Variants in PRR16 observed in about 807,000 individuals in gnomAD.
The protein encoded by PRR16 is protein Largen.
PRR16 carries 6 observed loss-of-function variants against 18.2 expected under a neutral mutation model. That is an observed-to-expected ratio of 0.33 (90% CI 0.18 to 0.65). PRR16 has a LOEUF of 0.65. Ranked by LOEUF, PRR16 falls within the 30% of genes least tolerant of loss-of-function variation. The pLI is 0.74. For missense variants in PRR16, 412 were observed against 376.6 expected (o/e 1.09, Z -0.78); for synonymous variants, 151 against 147.8 (o/e 1.02, Z -0.16).
the PRR16 span, among the ~76,000 whole-genome samples, chr5:120,786,596 AAT>A: frequency 9.1e-4 from 136 of 149,600 alleles, no homozygotes; most frequent in Admixed American, 1.9e-3. Flanking sequence ...AATATACAAA[AAT>A]GTGTGTAATT....
chr5:120,492,057 T>A (rs1446664714), intron 1 of PRR16, among the ~76,000 whole-genome samples: 4 of 151,840 alleles, frequency 2.6e-5, no homozygotes, highest in Non-Finnish European at 5.9e-5. Context: ...TCAATCTCTT[T>A]GTTCACCTTT....
chr5:120,677,181 T>A (rs1240686446), intron 1 of PRR16, among the ~76,000 whole-genome samples: 2 of 152,176 alleles, frequency 1.3e-5, no homozygotes, highest in Non-Finnish European at 1.5e-5. Context: ...AGTAGATCAT[T>A]AGGATAGGTG....
At chr5:120,737,307 G>GTTT in the PRR16 span, among the ~76,000 whole-genome samples, 5 of 51,096 alleles carry the variant, frequency 9.8e-5, no homozygotes, top group East Asian at 1.0e-3. Flanking sequence ...AGTTTGTTGA[G>GTTT]TTTTTTTTTT....
chr5:120,737,880 T>C, the PRR16 span, among the ~76,000 whole-genome samples: 2 of 152,126 alleles, frequency 1.3e-5, no homozygotes, highest in South Asian at 4.1e-4. Context: ...CCATTTTTGC[T>C]AGGTTATTTA....
intron 1 of PRR16, among the ~76,000 whole-genome samples, chr5:120,673,421 TA>T (rs1756682924): frequency 6.6e-6 from 1 of 152,242 alleles, no homozygotes; most frequent in South Asian, 2.1e-4. Context: ...TATGGGTCTT[TA>T]AAAAGCACAT....
the PRR16 span, among the ~76,000 whole-genome samples, chr5:120,726,378 A>G: frequency 6.6e-6 from 1 of 152,034 alleles, no homozygotes; most frequent in East Asian, 1.9e-4. Context: ...AAGGTCATCC[A>G]GGGAGGGAAT....
At chr5:120,671,925 G>A (rs561605547) in intron 1 of PRR16, among the ~76,000 whole-genome samples, 5 of 152,238 alleles carry the variant, frequency 3.3e-5, no homozygotes, top group Non-Finnish European at 5.9e-5. Context: ...TAAGCAATAA[G>A]AGTCTAATAT....
the PRR16 span, among the ~76,000 whole-genome samples, chr5:120,759,087 C>T: frequency 4.0e-5 from 6 of 151,406 alleles, no homozygotes; most frequent in African/African-American, 7.3e-5. Flanking sequence ...CACCATCCTC[C>T]TGCCTCAGCC....
intron 1 of PRR16, among the ~76,000 whole-genome samples, chr5:120,473,566 C>G (rs1042449194): frequency 6.6e-6 from 1 of 152,118 alleles, no homozygotes; most frequent in Non-Finnish European, 1.5e-5. Flanking sequence ...AGAATGGTTC[C>G]TATGCATAAA....
intron 1 of PRR16, among the ~76,000 whole-genome samples, chr5:120,637,340 A>AC (rs1331242079): frequency 5.3e-5 from 8 of 150,694 alleles, no homozygotes. Flanking sequence ...AAAAAAAAAA[A>AC]AAACTTGCAC....
At chr5:120,760,230 C>T in the PRR16 span, among the ~76,000 whole-genome samples, 4 of 151,844 alleles carry the variant, frequency 2.6e-5, no homozygotes, top group African/African-American at 9.7e-5. Flanking sequence ...GTAGAATGAG[C>T]CATGTTGTAA....
intron 1 of PRR16, among the ~76,000 whole-genome samples, chr5:120,501,591 C>T (rs4895159): frequency 0.15 from 22,973 of 152,024 alleles, 1,839 homozygotes; most frequent in Non-Finnish European, 0.18. Context: ...ATGGTATTTC[C>T]GTATTTTGGT....
chr5:120,532,251 GA>G (rs1201755813), intron 1 of PRR16, among the ~76,000 whole-genome samples: 1 of 151,974 alleles, frequency 6.6e-6, no homozygotes, highest in African/African-American at 2.4e-5. Flanking sequence ...CAAGTGTTTG[GA>G]AAAATTTTCT....
intron 1 of PRR16, among the ~76,000 whole-genome samples, chr5:120,563,924 C>T (rs941278602): frequency 1.3e-5 from 2 of 152,152 alleles, no homozygotes; most frequent in African/African-American, 4.8e-5. Context: ...ACGGGTATTA[C>T]TCCTGGTTAT....
chr5:120,532,702 T>A (rs1751589665), intron 1 of PRR16, among the ~76,000 whole-genome samples: 1 of 152,132 alleles, frequency 6.6e-6, no homozygotes, highest in African/African-American at 2.4e-5. Flanking sequence ...TTAACTTTAT[T>A]TTTTATTAGG....
intron 1 of PRR16, among the ~76,000 whole-genome samples, chr5:120,626,650 G>T (rs576779308): frequency 2.6e-5 from 4 of 152,240 alleles, no homozygotes; most frequent in African/African-American, 4.8e-5. Flanking sequence ...GACACAAATA[G>T]ATTGGATCAT....
chr5:120,549,720 T>G (rs1166514337), intron 1 of PRR16, among the ~76,000 whole-genome samples: 1 of 152,074 alleles, frequency 6.6e-6, no homozygotes, highest in Non-Finnish European at 1.5e-5. Flanking sequence ...TTATTATATT[T>G]TATGGGTACA....
chr5:120,515,052 C>T (rs950302029), intron 1 of PRR16, among the ~76,000 whole-genome samples: 1 of 152,124 alleles, frequency 6.6e-6, no homozygotes, highest in Non-Finnish European at 1.5e-5. Context: ...AATTTATATA[C>T]AACAGAATTT....
downstream of PRR16, among the ~76,000 whole-genome samples, chr5:120,689,811 T>G (rs570489499): frequency 6.6e-6 from 1 of 152,136 alleles, no homozygotes; most frequent in African/African-American, 2.4e-5. Context: ...TGTGTTGTAT[T>G]TCTACTGATG....
Sources: allele counts gnomAD v4.1 joint callset (sites outside exome capture counted in the v4.1 genomes callset), GRCh38; gene constraint gnomAD v4.1.1; transcripts MANE v1.5; gene names NCBI Gene and HGNC (gene_info 2026-07-23, HGNC 2026-07-21).